The following CNTNAP2 variants were observed in gnomAD, a reference collection of about 807,000 sequenced individuals.
CNTNAP2 encodes the protein contactin associated protein 2.
A neutral mutation model predicts 155.2 loss-of-function variants in CNTNAP2; 98 were observed. The observed-to-expected ratio is 0.63, with a 90% CI of 0.54 to 0.75. The LOEUF is 0.75. CNTNAP2 is among the 30% of genes least tolerant of loss of function. The pLI, the probability that CNTNAP2 is intolerant of heterozygous loss-of-function variation, is 0.00. For missense variants in CNTNAP2, 1,727 were observed against 1,688.1 expected, an observed-to-expected ratio of 1.02 and a Z score of -0.40; for synonymous variants, 651 against 631.2, an observed-to-expected ratio of 1.03 and a Z score of -0.47.
chr7:147,141,739 C>T (rs893011737), intron 8 of CNTNAP2, among the ~76,000 whole-genome samples: 9 of 152,214 alleles, frequency 5.9e-5, no homozygotes, highest in Admixed American at 3.3e-4. Flanking sequence ...GAATATGACA[C>T]ATCTGAAATA....
intron 3 of CNTNAP2, among the ~76,000 whole-genome samples, chr7:146,970,105 C>T (rs1219217841): frequency 6.6e-6 from 1 of 152,126 alleles, no homozygotes; most frequent in Non-Finnish European, 1.5e-5. Context: ...ACCATAAAAA[C>T]CCTAGAAGAA....
At chr7:148,397,679 G>T (rs1303656216) in intron 22 of CNTNAP2, among the ~76,000 whole-genome samples, 5 of 152,208 alleles carry the variant, frequency 3.3e-5, no homozygotes, top group African/African-American at 1.2e-4. Context: ...ACACTCCGTT[G>T]ACATGAATGA....
chr7:147,609,839 T>C lies in CNTNAP2; in HGVS notation c.1898-29267T>C, dbSNP rs73164374. 9.0e-3 allele frequency among the ~76,000 whole-genome samples: 1,367 copies of C among 152,168 alleles called. 11 individuals carry two copies. The highest frequency in any genetic ancestry group is 0.015 in the Non-Finnish European group (1,011 of 68,012). On this transcript the variant is annotated intron_variant, in intron 12 of 23. Coordinates refer to ENST00000361727, the MANE Select transcript of CNTNAP2 (RefSeq NM_014141.6). ...GAGATTTTGAAGCTTATATACCTTC[T>C]TCCCAGGGAAGAAGGTAGAGTGGAT...
chr7:147,996,157 T>C (rs1340468294), intron 15 of CNTNAP2, among the ~76,000 whole-genome samples: 2 of 152,224 alleles, frequency 1.3e-5, no homozygotes, highest in Non-Finnish European at 2.9e-5. Context: ...GTTTCTCTAA[T>C]AGCTTTGAAC....
chr7:146,912,757 AT>A, intron 3 of CNTNAP2, among the ~76,000 whole-genome samples: 1 of 152,228 alleles, frequency 6.6e-6, no homozygotes, highest in East Asian at 1.9e-4. Context: ...CTTTAGTACT[AT>A]TTATTTGACT....
chr7:147,872,548 C>T (rs1450721031), intron 13 of CNTNAP2, among the ~76,000 whole-genome samples: 5 of 152,178 alleles, frequency 3.3e-5, no homozygotes, highest in Admixed American at 1.3e-4. Context: ...AACAAATAAA[C>T]ATCATGATAG....
chr7:147,941,189 A>C (rs568247567), intron 14 of CNTNAP2, among the ~76,000 whole-genome samples: 1 of 152,202 alleles, frequency 6.6e-6, no homozygotes, highest in Non-Finnish European at 1.5e-5. Flanking sequence ...GGAGAATTTG[A>C]GGAAGACATT....
At chr7:146,675,170 GAA>G (rs35323569) in intron 1 of CNTNAP2, among the ~76,000 whole-genome samples, 11 of 150,658 alleles carry the variant, frequency 7.3e-5, no homozygotes, top group Middle Eastern at 3.4e-3. Flanking sequence ...AGATGTTTGA[GAA>G]AAAAAAAATA....
chr7:148,264,658 C>G (rs779637825), intron 20 of CNTNAP2, among the ~76,000 whole-genome samples: 1 of 152,008 alleles, frequency 6.6e-6, no homozygotes, highest in African/African-American at 2.4e-5. Context: ...TTTTAAAATT[C>G]TTTAAGAAAA....
intron 1 of CNTNAP2, among the ~76,000 whole-genome samples, chr7:146,713,678 C>A (rs1307306069): frequency 1.3e-5 from 2 of 152,126 alleles, no homozygotes; most frequent in Non-Finnish European, 2.9e-5. Context: ...GACAGTATAT[C>A]CAAACATGTC....
chr7:148,413,401 A>AAAAAAAAAAAAAAAAAATATAT (rs1442990213), intron 23 of CNTNAP2, among the ~76,000 whole-genome samples: 2 of 45,374 alleles, frequency 4.4e-5, no homozygotes, highest in Non-Finnish European at 8.4e-5. Context: ...TCAAAAAAAA[A>AAAAAAAAAAAAAAAAAATATAT]ATATATATAT....
At chr7:147,751,055 A>T (rs182491397) in intron 13 of CNTNAP2, among the ~76,000 whole-genome samples, 232 of 151,354 alleles carry the variant, frequency 1.5e-3, no homozygotes, top group African/African-American at 4.8e-3. Context: ...TAAAAAATAA[A>T]AATAATAATA....
chr7:148,101,768 A>AGAG (rs1408544754), intron 15 of CNTNAP2, among the ~76,000 whole-genome samples: 1 of 152,170 alleles, frequency 6.6e-6, no homozygotes, highest in Admixed American at 6.5e-5. Context: ...TTCAAAACCC[A>AGAG]GAGTATGCCA....
At chr7:148,342,142 T>G (rs1040631639) in intron 21 of CNTNAP2, among the ~76,000 whole-genome samples, 6 of 152,236 alleles carry the variant, frequency 3.9e-5, no homozygotes, top group African/African-American at 1.4e-4. Flanking sequence ...GCCCTTCTAC[T>G]CTCTGCTGCG....
At chr7:146,178,969 TA>T (rs1458831129) in intron 1 of CNTNAP2, among the ~76,000 whole-genome samples, 1 of 150,308 alleles carries the variant, frequency 6.7e-6, no homozygotes, top group Non-Finnish European at 1.5e-5. Flanking sequence ...ATACTGGTTG[TA>T]AATTAATGAA....
intron 17 of CNTNAP2, among the ~76,000 whole-genome samples, chr7:148,152,999 T>C (rs1206330843): frequency 6.9e-5 from 8 of 116,340 alleles, no homozygotes; most frequent in Admixed American, 2.7e-4. Context: ...CCAGCCTGGG[T>C]GACTGAGCAA....
At chr7:148,168,171 A>G (rs1232548055) in intron 17 of CNTNAP2, among the ~76,000 whole-genome samples, 5 of 151,560 alleles carry the variant, frequency 3.3e-5, no homozygotes, top group Non-Finnish European at 5.9e-5. Flanking sequence ...TCAGGGATCT[A>G]GAACTAGAAA....
intron 1 of CNTNAP2, among the ~76,000 whole-genome samples, chr7:146,390,414 A>G (rs1363385161): frequency 6.6e-6 from 1 of 152,014 alleles, no homozygotes; most frequent in Admixed American, 6.6e-5. Flanking sequence ...GACGACTGCA[A>G]AGTGTCACAA....
intron 1 of CNTNAP2, among the ~76,000 whole-genome samples, chr7:146,582,609 T>C (rs1469363074): frequency 6.6e-6 from 1 of 152,138 alleles, no homozygotes; most frequent in Non-Finnish European, 1.5e-5. Context: ...GTTTTTCACA[T>C]GGACAACTCT....
Sources: gnomAD v4.1 joint callset for allele counts (sites outside exome capture counted in the v4.1 genomes callset) on GRCh38, gnomAD v4.1.1 for gene constraint, MANE v1.5 for transcripts, NCBI Gene and HGNC (gene_info 2026-07-23, HGNC 2026-07-21) for gene names.